DLG2: variants seen among roughly 807,000 people sequenced by gnomAD.
DLG2 encodes disks large homolog 2.
Under a neutral mutation model 132.5 loss-of-function variants are expected in DLG2, and 45 were observed. The observed-to-expected ratio is 0.34, with a 90% CI of 0.27 to 0.44. DLG2 has a LOEUF of 0.44. Among genes scored for constraint, DLG2 ranks in the 20% least tolerant of loss-of-function variants. The probability of loss-of-function intolerance (pLI) is 1.00; values close to 1 mark genes in which losing one functional copy is unlikely to be tolerated. For synonymous variants in DLG2, 424 were observed against 419.6 expected, an observed-to-expected ratio of 1.01 and a Z score of -0.13; for missense variants, 1,045 against 1,196.9, an observed-to-expected ratio of 0.87 and a Z score of 1.87.
intron 7 of DLG2, among the ~76,000 whole-genome samples, chr11:84,427,444 T>C (rs1215202134): frequency 6.6e-6 from 1 of 152,134 alleles, no homozygotes; most frequent in Non-Finnish European, 1.5e-5. Context: ...AAGCCAGGTC[T>C]ACAGTCTTTC....
At chr11:85,414,341 C>A (rs564442946) in intron 3 of DLG2, among the ~76,000 whole-genome samples, 28 of 151,980 alleles carry the variant, frequency 1.8e-4, no homozygotes, top group Non-Finnish European at 3.2e-4. Context: ...ACATCATCAG[C>A]AAACAGCGAC....
chr11:83,859,829 T>A (rs913796180), intron 16 of DLG2, among the ~76,000 whole-genome samples: 7 of 152,232 alleles, frequency 4.6e-5, no homozygotes, highest in Admixed American at 4.6e-4. Context: ...AAAATGGTTT[T>A]GTCGGCCAGG....
At chr11:84,813,504 A>G (rs1170232101) in intron 6 of DLG2, among the ~76,000 whole-genome samples, 1 of 152,090 alleles carries the variant, frequency 6.6e-6, no homozygotes, top group African/African-American at 2.4e-5. Flanking sequence ...AACTCATTCC[A>G]CTATTCTTTG....
intron 7 of DLG2, among the ~76,000 whole-genome samples, chr11:84,394,287 AT>A (rs900366262): frequency 6.6e-6 from 1 of 150,590 alleles, no homozygotes. Context: ...CCTATGGGGC[AT>A]TTTTTTAGAA....
In DLG2 at chr11:83,916,266, T is replaced by C. The variant is rs901175883; in HGVS notation, c.1496+14062A>G. On this transcript the variant is annotated intron_variant, in intron 15 of 27. Coordinates refer to ENST00000376104, the MANE Select transcript of DLG2 (RefSeq NM_001142699.3). Reference sequence around the variant, plus strand: ...TTCATTTCTCTTGGGTGCATACTTATGACTGAAATTCTGAGCCTAATGGGA... The same window carrying C: ...TTCATTTCTCTTGGGTGCATACTTACGACTGAAATTCTGAGCCTAATGGGA... 8.5e-5 allele frequency among the ~76,000 whole-genome samples: 13 copies of C among 152,130 alleles called. 1 individual carries two copies. Among genetic ancestry groups the C allele is most frequent in the African/African-American group, 2.4e-4 (10 of 41,454 alleles).
rs750432247 is a variant in DLG2, at chr11:85,111,634, T to G, written c.357+27A>C. The stretch of plus-strand genomic sequence containing the variant: ...ATATAAAAACATTTATCCTTCAATC[T>G]GCTAATCTTGGAATAATCAAACTTA... On this transcript the variant is annotated intron_variant, in intron 6 of 27. Transcript: ENST00000376104. The G allele has an allele frequency of 2.4e-5, 36 of 1,516,468 alleles. No individual in the cohort carries two copies. The Middle Eastern group carries it at 6.8e-4, about 29-fold the overall frequency. 93.9% of individuals were successfully genotyped at this position (1,516,468 alleles called of 1,614,324 possible).
At chr11:85,569,162 G>C (rs1002767995) in intron 3 of DLG2, among the ~76,000 whole-genome samples, 1 of 152,144 alleles carries the variant, frequency 6.6e-6, no homozygotes, top group Non-Finnish European at 1.5e-5. Flanking sequence ...CTCCTGAGTA[G>C]CTGGGATTAC....
chr11:85,400,757 G>T (rs1230796071), intron 3 of DLG2, among the ~76,000 whole-genome samples: 1 of 150,304 alleles, frequency 6.7e-6, no homozygotes, highest in African/African-American at 2.5e-5. Context: ...ACAGGAAGGG[G>T]AACATCACAC....
rs982670116 is a variant in DLG2 at position 85,188,659 on chromosome 11, T to C, written c.187-34008A>G. 2.0e-5 allele frequency among the ~76,000 whole-genome samples: 3 copies of C among 152,116 alleles called. No individual in the cohort carries two copies. In the East Asian group the frequency reaches 5.8e-4, roughly 29 times the overall value. On this transcript the variant is annotated intron_variant, in intron 4 of 27. Transcript: ENST00000376104. ...AACTAACAGAAAATCTCAATAAAAA[T>C]GAAGCAATTGTTTTAAAAATTTAAG...
At chr11:83,843,625 G>C (rs978542117) in intron 16 of DLG2, among the ~76,000 whole-genome samples, 1 of 152,028 alleles carries the variant, frequency 6.6e-6, no homozygotes, top group Non-Finnish European at 1.5e-5. Flanking sequence ...AAAAAAAAGT[G>C]AGTGGTTGGG....
chr11:83,464,310 T>C (rs1690573423), intron 26 of DLG2, among the ~76,000 whole-genome samples: 1 of 152,250 alleles, frequency 6.6e-6, no homozygotes, highest in African/African-American at 2.4e-5. Context: ...ATGTGGATGA[T>C]GCACTTGAGA....
At chr11:84,354,571 T>C (rs185877462) in intron 7 of DLG2, among the ~76,000 whole-genome samples, 7 of 152,266 alleles carry the variant, frequency 4.6e-5, no homozygotes, top group African/African-American at 1.4e-4. Flanking sequence ...AGATAAACTA[T>C]AGAAAATTGC....
intron 3 of DLG2, among the ~76,000 whole-genome samples, chr11:85,387,498 G>C (rs2086442078): frequency 6.6e-6 from 1 of 152,188 alleles, no homozygotes; most frequent in South Asian, 2.1e-4. Flanking sequence ...ATTTTCAAAA[G>C]TAAGTTTGAG....
chr11:85,585,263 T>C (rs181004997), intron 3 of DLG2, among the ~76,000 whole-genome samples: 34 of 152,340 alleles, frequency 2.2e-4, no homozygotes, highest in Non-Finnish European at 4.4e-5. Context: ...TAGGGTGTCC[T>C]TTCCCCACCT....
intron 6 of DLG2, chr11:84,800,664 A>G (rs2075255484): frequency 6.6e-6 from 1 of 152,168 alleles, no homozygotes; most frequent in Admixed American, 6.5e-5. Context: ...GGCATAAAAT[A>G]TTATTTTGAT....
At chr11:85,278,597 C>T (rs960180999) in intron 4 of DLG2, among the ~76,000 whole-genome samples, 7 of 151,698 alleles carry the variant, frequency 4.6e-5, no homozygotes, top group Non-Finnish European at 8.8e-5. Context: ...CAAAACTCTG[C>T]CTCAAAGAAA....
chr11:84,732,718 T>C (rs2063307065), intron 6 of DLG2, among the ~76,000 whole-genome samples: 1 of 152,084 alleles, frequency 6.6e-6, no homozygotes, highest in South Asian at 2.1e-4. Flanking sequence ...TATGTATACA[T>C]GTGCCATGTT....
At chr11:83,753,784 GTCATATATATGATATA>G (rs1210045386) in intron 18 of DLG2, among the ~76,000 whole-genome samples, 3 of 117,250 alleles carry the variant, frequency 2.6e-5, no homozygotes, top group Non-Finnish European at 5.0e-5. Context: ...GCATATATAT[GTCATATATATGATATA>G]TCATATATAT....
chr11:84,502,160 T>TCCTTCCTTTC lies in DLG2; in HGVS notation c.519+32409_519+32410insGAAAGGAAGG, dbSNP rs151187364. Among the ~76,000 whole-genome samples the TCCTTCCTTTC allele has an allele frequency of 2.7e-3, 111 of 41,264 alleles. 27 individuals are homozygous for TCCTTCCTTTC. The African/African-American group carries it at 0.029, about 11-fold the overall frequency. 27.1% of individuals were successfully genotyped at this position (41,264 alleles called of 152,430 possible). ...TCCTTTCTTTCCTTCCTTCCTTCCT[T>TCCTTCCTTTC]TCTCTCTCTCTCTCTTTCTCTCTCT... On this transcript the variant is annotated intron_variant, in intron 7 of 27. Coordinates refer to ENST00000376104, the MANE Select transcript of DLG2 (RefSeq NM_001142699.3).
Sources: allele counts gnomAD v4.1 joint callset (sites outside exome capture counted in the v4.1 genomes callset), GRCh38; gene constraint gnomAD v4.1.1; transcripts MANE v1.5; gene names NCBI Gene and HGNC (gene_info 2026-07-23, HGNC 2026-07-21).